Variants in GNL1 observed in about 807,000 individuals in gnomAD.
GNL1 encodes the protein guanine nucleotide-binding protein-like 1.
In GNL1, 21 loss-of-function variants were observed where a neutral mutation model predicts 75.2. That is an observed-to-expected ratio of 0.28 (90% CI 0.20 to 0.40). The LOEUF (loss-of-function observed/expected upper bound fraction) is 0.40, where lower values mean the gene tolerates loss of function less well. Among genes scored for constraint, GNL1 ranks in the 10% least tolerant of loss-of-function variants. GNL1 has a pLI of 1.00. For synonymous variants in GNL1, 287 were observed against 303.4 expected, an observed-to-expected ratio of 0.95 and a Z score of 0.56; for missense variants, 579 against 775.0, an observed-to-expected ratio of 0.75 and a Z score of 3.00.
chr6:30,554,904 G>C lies in GNL1; in HGVS notation c.388C>G (p.Pro130Ala). ...VYQPGSVLDF[P>A]RRPPWSYEMS... ...TCATAGCTCCAAGGAGGACGTCGAG[G>C]AAAGTCCAGAACTGGGAATTCAGGA... Residue 130 changes from proline to alanine, a missense_variant, in exon 4 of 12, where the codon CCT (proline) becomes GCT (alanine). By Grantham distance (27) the Pro-to-Ala change is conservative. Transcript: ENST00000376621. The C allele has an allele frequency of 6.2e-7, 1 of 1,612,936 alleles. No homozygotes were observed. The highest frequency in any genetic ancestry group is 1.7e-5 in the Admixed American group (1 of 60,020).
rs773357609 is a variant in GNL1, at chr6:30,555,231, G to A, written c.240-40C>T. Reference sequence around the variant, plus strand: ...ACCGAGACATCCAGAGCAATCCTGTGGCCACAAACTCCTATTTTCTCCCCT... The same window carrying A: ...ACCGAGACATCCAGAGCAATCCTGTAGCCACAAACTCCTATTTTCTCCCCT... On this transcript the variant is annotated intron_variant, in intron 2 of 11. Coordinates refer to ENST00000376621, the MANE Select transcript of GNL1 (RefSeq NM_005275.5). This position sits in a 1 kb window ranked among gnomAD's most constrained non-coding sequence, Gnocchi z 4.3. 2 of 1,611,722 alleles carry A rather than the reference G, an allele frequency of 1.2e-6. No homozygotes were observed. Among genetic ancestry groups the A allele is most frequent in the Non-Finnish European group, 8.5e-7 (1 of 1,179,156 alleles).
chr6:30,554,628 G>A lies in GNL1; in HGVS notation c.547C>T (p.Arg183Trp), dbSNP rs1800017009. The A allele has an allele frequency of 1.9e-6, 3 of 1,605,814 alleles. No homozygotes were observed. The highest frequency in any genetic ancestry group is 2.6e-6 in the Non-Finnish European group (3 of 1,173,530). ...ACGATGTCAGACATCTCTAACACCC[G>A]CCACAGCTGCCTCCATGTCTAAAAA... ...HNLETWRQLW[R>W]VLEMSDIVLL... The change falls in exon 5 of 12, where the codon CGG becomes TGG. Residue 183 changes from arginine (R) to tryptophan (W), a missense_variant. Physicochemically the swap from Arg to Trp is moderately radical, Grantham distance 101 (BLOSUM62 -3). Coordinates refer to ENST00000376621, the MANE Select transcript of GNL1 (RefSeq NM_005275.5).
At position 30,548,576 on chromosome 6, in the gene GNL1, C is replaced by A. The variant is rs2844715; in HGVS notation, c.1100-1046G>T. Reference sequence around the variant, plus strand: ...TTCATGATCCAGCTCCTCAGCCAGGCCCGTTCACAGACCTGGAACTCCCTG... The same window carrying A: ...TTCATGATCCAGCTCCTCAGCCAGGACCGTTCACAGACCTGGAACTCCCTG... On this transcript the variant is annotated intron_variant, in intron 8 of 11. Coordinates refer to ENST00000376621, the MANE Select transcript of GNL1 (RefSeq NM_005275.5). The surrounding 1 kb of genome is among the most constrained non-coding windows in gnomAD (Gnocchi z 4.2). Among the ~76,000 whole-genome samples the A allele has an allele frequency of 6.6e-6, 1 of 151,882 alleles. No homozygotes were observed. The highest frequency in any genetic ancestry group is 6.6e-5 in the Admixed American group (1 of 15,264).
chr6:30,547,069 C>G lies in GNL1; in HGVS notation c.1441+43G>C, dbSNP rs1327649523. The stretch of plus-strand genomic sequence containing the variant: ...AAAAGGCGAGGCAGGTAAGGAAGAG[C>G]AGCTGAAACCAGGTGGGGCGAAGCC... On this transcript the variant is annotated intron_variant, in intron 10 of 11. Coordinates refer to ENST00000376621, the MANE Select transcript of GNL1 (RefSeq NM_005275.5). This position sits in a 1 kb window ranked among gnomAD's most constrained non-coding sequence, Gnocchi z 5.5. The G allele has an allele frequency of 6.5e-7, 1 of 1,547,420 alleles. No individual in the cohort carries two copies. Among genetic ancestry groups the G allele is most frequent in the African/African-American group, 1.4e-5 (1 of 73,610 alleles).
chr6:30,555,539 C>T lies in GNL1; in HGVS notation c.239+16G>A. On this transcript the variant is annotated intron_variant, in intron 2 of 11. Transcript: ENST00000376621. The surrounding 1 kb of genome is among the most constrained non-coding windows in gnomAD (Gnocchi z 4.3). ...TAGGCGGGAAAGCCGGGACCAGCGC[C>T]CCCTCCCACCCTCACCGATTTGGGT... 1 of 1,600,638 alleles carries T rather than the reference C, an allele frequency of 6.2e-7. No homozygotes were observed. Among genetic ancestry groups the T allele is most frequent in the Non-Finnish European group, 8.5e-7 (1 of 1,171,112 alleles).
chr6:30,553,762 G>T (rs1446551021), intron 5 of GNL1, among the ~76,000 whole-genome samples: 1 of 152,190 alleles, frequency 6.6e-6, no homozygotes, highest in African/African-American at 2.4e-5. Flanking sequence ...CTTCCTATAG[G>T]TCATGATTAG....
At chr6:30,553,867 AG>A (rs1289145501) in intron 5 of GNL1, among the ~76,000 whole-genome samples, 6 of 152,238 alleles carry the variant, frequency 3.9e-5, no homozygotes, top group Non-Finnish European at 8.8e-5. Context: ...GGGTTAGGGT[AG>A]AAATTAGTCT....
Position 30,553,500 on chromosome 6 carries a change from G to A in GNL1, c.658C>T (p.Leu220=). ...EYVTGELGLA[L]VLVLNKVDLA... is the part of the protein sequence containing the mutation. ...TCCACCTTGTTCAAAACCAGCACCA[G>A]GGCCAGTCCAAGTTCTCCAGTCACA... Residue 220 remains leucine, a synonymous_variant, in exon 6 of 12, where the codon CTG becomes TTG. Transcript: ENST00000376621. 1 of 1,613,002 alleles carries A rather than the reference G, an allele frequency of 6.2e-7. No individual in the cohort carries two copies. Among genetic ancestry groups the A allele is most frequent in the East Asian group, 2.2e-5 (1 of 44,884 alleles).
At position 30,553,191 on chromosome 6, in the gene GNL1, G is replaced by A; in HGVS notation, c.809-12C>T. The A allele has an allele frequency of 1.3e-6, 2 of 1,596,280 alleles. No homozygotes were observed. Among genetic ancestry groups the A allele is most frequent in the Non-Finnish European group, 1.7e-6 (2 of 1,163,884 alleles). ...ACTCTTCTTCAAGACTGAGATCAGA[G>A]GGCACAAAAGGATGGGCACACGGGC... On this transcript the variant is annotated splice_polypyrimidine_tract_variant and intron_variant, in intron 6 of 11. Coordinates refer to ENST00000376621, the MANE Select transcript of GNL1 (RefSeq NM_005275.5).
Position 30,556,208 on chromosome 6 carries a change from C to T in GNL1, c.-5G>A. 6.2e-7 allele frequency: 1 copy of T among 1,603,474 alleles called. No individual in the cohort carries two copies. ...GAATGGCTTCTTCCTCGGCATGGCC[C>T]GGACCAGTCACCTGGCCCGCCCTCC... On this transcript the variant is annotated 5_prime_UTR_variant, in exon 1 of 12. Coordinates refer to ENST00000376621, the MANE Select transcript of GNL1 (RefSeq NM_005275.5). The surrounding 1 kb of genome is among the most constrained non-coding windows in gnomAD (Gnocchi z 5.7).
rs948082688 is a variant in GNL1, at chr6:30,543,067, G to C, written c.*3005C>G. The C allele has an allele frequency of 1.3e-5, 2 of 152,344 alleles. No individual in the cohort carries two copies. Among genetic ancestry groups the C allele is most frequent in the African/African-American group, 4.8e-5 (2 of 41,442 alleles). 9.4% of individuals were successfully genotyped at this position (152,344 alleles called of 1,614,324 possible). On this transcript the variant is annotated 3_prime_UTR_variant, in exon 12 of 12. Transcript: ENST00000376621. The stretch of plus-strand genomic sequence containing the variant: ...TCCCTGTCTGGCTAACTCCTGTCCA[G>C]CATTTGGCCTCAGCATGGACATCTG...
At chr6:30,554,684 A>G in intron 4 of GNL1, 38 bp from the exon 5 acceptor site, 1 of 1,590,970 alleles carries the variant, frequency 6.3e-7, no homozygotes, top group Non-Finnish European at 8.6e-7. Context: ...CTGAAAACAG[A>G]GTCCCTCTCC....
In GNL1 at chr6:30,552,436, G is replaced by A; in HGVS notation, c.1099+31C>T. On this transcript the variant is annotated intron_variant, in intron 8 of 11. Coordinates refer to ENST00000376621, the MANE Select transcript of GNL1 (RefSeq NM_005275.5). This position sits in a 1 kb window ranked among gnomAD's most constrained non-coding sequence, Gnocchi z 4.5. ...TATGAAAACTCTGTACCTCCTTGGAGGCCACCACGCACAAGCTGCCACTTC... is the reference window on the plus strand; with the variant it reads ...TATGAAAACTCTGTACCTCCTTGGAAGCCACCACGCACAAGCTGCCACTTC... 6.4e-7 allele frequency: 1 copy of A among 1,574,040 alleles called. No individual in the cohort carries two copies. The highest frequency in any genetic ancestry group is 8.7e-7 in the Non-Finnish European group (1 of 1,148,250).
Position 30,555,689 on chromosome 6 carries a change from G to C in GNL1, c.105C>G (p.Asn35Lys). ...GCCGCTCCCGGCTCCCGCTGCGGCT[G>C]TTGGAACTGGAGCGCAGCCCATCTT... ...GLQDGLRSSS[N>K]SRSGSRERRE... The change falls in exon 2 of 12, where the codon AAC becomes AAG. Residue 35 changes from asparagine to lysine, a missense_variant. By Grantham distance (94) the Asn-to-Lys change is moderately conservative. Coordinates refer to ENST00000376621, the MANE Select transcript of GNL1 (RefSeq NM_005275.5). The surrounding 1 kb of genome is among the most constrained non-coding windows in gnomAD (Gnocchi z 4.3). 6.2e-7 allele frequency: 1 copy of C among 1,613,630 alleles called. No homozygotes were observed. Among genetic ancestry groups the C allele is most frequent in the Non-Finnish European group, 8.5e-7 (1 of 1,179,954 alleles).
Position 30,556,084 on chromosome 6 carries a change from T to A in GNL1, c.73+47A>T, listed in dbSNP as rs559715683. 6.3e-6 allele frequency: 10 copies of A among 1,588,992 alleles called. No individual in the cohort carries two copies. In the South Asian group the frequency reaches 8.8e-5, roughly 14 times the overall value. Reference sequence around the variant, plus strand: ...CAGCGGGCACACCCCTCCTTCCAGATGTGCGGAAGCCCGAGCCCCGCCCCC... The same window carrying A: ...CAGCGGGCACACCCCTCCTTCCAGAAGTGCGGAAGCCCGAGCCCCGCCCCC... On this transcript the variant is annotated intron_variant, in intron 1 of 11. Transcript: ENST00000376621. This position sits in a 1 kb window ranked among gnomAD's most constrained non-coding sequence, Gnocchi z 5.7.
In GNL1 at chr6:30,556,351, A is replaced by T; in HGVS notation, c.-148T>A. ...GTCAGCGGGCGGGCCCGACAGAATT[A>T]CCGCCGCGGCGGCGATGGAAGGCGG... On this transcript the variant is annotated 5_prime_UTR_variant, in exon 1 of 12. Coordinates refer to ENST00000376621, the MANE Select transcript of GNL1 (RefSeq NM_005275.5). This position sits in a 1 kb window ranked among gnomAD's most constrained non-coding sequence, Gnocchi z 5.7. The T allele has an allele frequency of 1.2e-6, 1 of 830,452 alleles. No homozygotes were observed. The allele number at this position is 830,452 out of a possible 1,614,324, so 51.4% of individuals were successfully genotyped here.
rs980788220 is a variant in GNL1, at chr6:30,550,500, G to A, written c.1099+1967C>T. Among the ~76,000 whole-genome samples the A allele has an allele frequency of 4.6e-5, 7 of 151,974 alleles. No homozygotes were observed. The East Asian group carries it at 1.3e-3, about 29-fold the overall frequency. ...TTCCGGCCCTGTCTCACCACCTCCAGCTCCAGCATCCTACTCTAAGCAACT... is the reference window on the plus strand; with the variant it reads ...TTCCGGCCCTGTCTCACCACCTCCAACTCCAGCATCCTACTCTAAGCAACT... On this transcript the variant is annotated intron_variant, in intron 8 of 11. Coordinates refer to ENST00000376621, the MANE Select transcript of GNL1 (RefSeq NM_005275.5).
rs1297637317 is a variant in GNL1 at position 30,555,879 on chromosome 6, G to T, written c.74-159C>A. 7 of 847,418 alleles carry T rather than the reference G, an allele frequency of 8.3e-6. No individual in the cohort carries two copies. Among genetic ancestry groups the T allele is most frequent in the Non-Finnish European group, 1.3e-5 (7 of 547,000 alleles). The allele number at this position is 847,418 out of a possible 1,614,324, so 52.5% of individuals were successfully genotyped here. ...GGACCCTCCCGGATGTGCGTGGGGG[G>T]AGTCACTCCTTCAGGGAGCAGTGGG... On this transcript the variant is annotated intron_variant, in intron 1 of 11. Coordinates refer to ENST00000376621, the MANE Select transcript of GNL1 (RefSeq NM_005275.5). The surrounding 1 kb of genome is among the most constrained non-coding windows in gnomAD (Gnocchi z 4.3).
Position 30,547,097 on chromosome 6 carries a change from G to A in GNL1, c.1441+15C>T. On this transcript the variant is annotated intron_variant, in intron 10 of 11. Coordinates refer to ENST00000376621, the MANE Select transcript of GNL1 (RefSeq NM_005275.5). The surrounding 1 kb of genome is among the most constrained non-coding windows in gnomAD (Gnocchi z 5.5). Reference sequence around the variant, plus strand: ...CTGAAACCAGGTGGGGCGAAGCCAGGCACATGGAACTCACCTTCACAGATG... The same window carrying A: ...CTGAAACCAGGTGGGGCGAAGCCAGACACATGGAACTCACCTTCACAGATG... 6.2e-7 allele frequency: 1 copy of A among 1,607,500 alleles called. No individual in the cohort carries two copies. Among genetic ancestry groups the A allele is most frequent in the Non-Finnish European group, 8.5e-7 (1 of 1,176,288 alleles).
Sources: allele counts gnomAD v4.1 joint callset (sites outside exome capture counted in the v4.1 genomes callset), GRCh38; gene constraint gnomAD v4.1.1; non-coding constraint Gnocchi (gnomAD v3.1); transcripts MANE v1.5; gene names NCBI Gene and HGNC (gene_info 2026-07-23, HGNC 2026-07-21).